Variants in DNM3 observed in about 807,000 individuals in gnomAD.
DNM3 encodes the protein dynamin 3, also known as dynamin-3.
Under a neutral mutation model 101.6 loss-of-function variants are expected in DNM3, and 47 were observed. The observed-to-expected ratio is 0.46, with a 90% CI of 0.37 to 0.59. DNM3 has a LOEUF of 0.59. Among genes scored for constraint, DNM3 ranks in the 20% least tolerant of loss-of-function variants. The pLI is 0.00. For missense variants in DNM3, 849 were observed against 1,085.7 expected (o/e 0.78, Z 3.06); for synonymous variants, 385 against 387.9 (o/e 0.99, Z 0.09).
In DNM3 at chr1:172,131,261, A is replaced by G. The variant is rs763985919; in HGVS notation, c.1632A>G (p.Glu544=). 6.2e-7 allele frequency: 1 copy of G among 1,613,188 alleles called. No individual in the cohort carries two copies. The highest frequency in any genetic ancestry group is 1.1e-5 in the South Asian group (1 of 91,038). The change falls in exon 14 of 21, where the codon GAA becomes GAG. Residue 544 remains glutamate (E), a synonymous_variant. Coordinates refer to ENST00000627582, the MANE Select transcript of DNM3 (RefSeq NM_015569.5). ...GATACTGGTTCGTCCTTACTGCGGAAAGCTTGTCCTGGTATAAAGATGATG... is the reference window on the plus strand; with the variant it reads ...GATACTGGTTCGTCCTTACTGCGGAGAGCTTGTCCTGGTATAAAGATGATG... ...SKGYWFVLTA[E]SLSWYKDDEE...
At chr1:172,390,433 G>T (rs906284015) in intron 20 of DNM3, among the ~76,000 whole-genome samples, 3 of 152,184 alleles carry the variant, frequency 2.0e-5, no homozygotes, top group Admixed American at 1.3e-4. Context: ...TGACCCCAGG[G>T]TTTTTCAGCC....
At chr1:172,134,068 T>C (rs2057088154) in intron 14 of DNM3, among the ~76,000 whole-genome samples, 1 of 152,114 alleles carries the variant, frequency 6.6e-6, no homozygotes, top group Non-Finnish European at 1.5e-5. Flanking sequence ...GGAGCGGGGA[T>C]GGCTAGCATG....
intron 1 of DNM3, among the ~76,000 whole-genome samples, chr1:171,856,853 A>G (rs742508): frequency 6.6e-6 from 1 of 152,134 alleles, no homozygotes; most frequent in Non-Finnish European, 1.5e-5. Context: ...GATGCCATTT[A>G]TTTCTTTCTC....
intron 20 of DNM3, among the ~76,000 whole-genome samples, chr1:172,406,203 G>A (rs1381722070): frequency 3.3e-5 from 5 of 151,956 alleles, no homozygotes; most frequent in African/African-American, 1.2e-4. Context: ...GGGGAAGGCA[G>A]GTCAGGGAAG....
chr1:172,391,495 G>T (rs1475294035), intron 20 of DNM3, among the ~76,000 whole-genome samples: 1 of 152,108 alleles, frequency 6.6e-6, no homozygotes, highest in Non-Finnish European at 1.5e-5. Context: ...CAGAAATGGG[G>T]TTTAAGATTT....
chr1:172,134,016 C>T (rs1285353693), intron 14 of DNM3, among the ~76,000 whole-genome samples: 1 of 152,092 alleles, frequency 6.6e-6, no homozygotes, highest in Non-Finnish European at 1.5e-5. Flanking sequence ...GCCCTGGCTG[C>T]TGGATTGTGC....
At chr1:172,357,073 T>G (rs2067490386) in intron 17 of DNM3, among the ~76,000 whole-genome samples, 1 of 152,154 alleles carries the variant, frequency 6.6e-6, no homozygotes, top group South Asian at 2.1e-4. Flanking sequence ...AATAAACAGT[T>G]GAATGAGTAA....
At chr1:172,076,958 G>A (rs1052526123) in intron 11 of DNM3, among the ~76,000 whole-genome samples, 2 of 152,032 alleles carry the variant, frequency 1.3e-5, no homozygotes, top group African/African-American at 4.8e-5. Context: ...GCTTTTTTTG[G>A]TTGGTAGGCT....
Position 172,033,176 on chromosome 1 carries a change from G to T in DNM3, c.760G>T (p.Ala254Ser). ...GAAGGACATAAAGGCAGCCATGCTG[G>T]CAGAGAGGAAGTTTTTCCTTTCCCA... ...GKKDIKAAML[A>S]ERKFFLSHPA... The change falls in exon 6 of 21, where the codon GCA becomes TCA. Residue 254 changes from alanine (A) to serine (S), a missense_variant. Ala to Ser is a moderately conservative substitution (Grantham distance 99). This residue lies in a region of DNM3 where 388 missense variants were observed against 483.0 expected (regional missense o/e 0.80). Coordinates refer to ENST00000627582, the MANE Select transcript of DNM3 (RefSeq NM_015569.5). The T allele has an allele frequency of 6.2e-7, 1 of 1,611,120 alleles. No individual in the cohort carries two copies. Among genetic ancestry groups the T allele is most frequent in the South Asian group, 1.1e-5 (1 of 90,344 alleles).
At chr1:171,954,392 A>G (rs552829893) in intron 2 of DNM3, among the ~76,000 whole-genome samples, 39 of 152,294 alleles carry the variant, frequency 2.6e-4, no homozygotes, top group Middle Eastern at 3.4e-3. Context: ...TCCTGGGGGA[A>G]ATAATGCTTG....
In DNM3 at chr1:172,027,500, G is replaced by C. The variant is rs772104673; in HGVS notation, c.590-4902G>C. On this transcript the variant is annotated intron_variant, in intron 4 of 20. Coordinates refer to ENST00000627582, the MANE Select transcript of DNM3 (RefSeq NM_015569.5). ...GGAGGCTCAGGCAGGAGAATCGCTG[G>C]AACCCGGGAGGCAGAGGTGGCAGTG... is the stretch of plus-strand genomic sequence containing the variant. Among the ~76,000 whole-genome samples the C allele has an allele frequency of 9.2e-5, 14 of 152,132 alleles. No homozygotes were observed. In the South Asian group the frequency reaches 1.0e-3, roughly 11 times the overall value.
chr1:171,885,081 C>G (rs998667094), intron 1 of DNM3, among the ~76,000 whole-genome samples: 3 of 152,070 alleles, frequency 2.0e-5, no homozygotes, highest in Admixed American at 1.3e-4. Flanking sequence ...CGTTTAGCAT[C>G]CCCTCAAACT....
At chr1:172,189,595 T>C (rs1041091093) in intron 14 of DNM3, among the ~76,000 whole-genome samples, 1 of 152,084 alleles carries the variant, frequency 6.6e-6, no homozygotes, top group African/African-American at 2.4e-5. Context: ...TCTAAGTATT[T>C]ATGTATTTAT....
intron 17 of DNM3, among the ~76,000 whole-genome samples, chr1:172,354,112 T>A (rs199734129): frequency 0.23 from 21,431 of 95,078 alleles, 2,652 homozygotes; most frequent in African/African-American, 0.26. Flanking sequence ...TGTGTGTGTG[T>A]GAGAGAGAGA....
intron 2 of DNM3, among the ~76,000 whole-genome samples, chr1:171,974,934 T>G (rs2044265590): frequency 6.6e-6 from 1 of 151,934 alleles, no homozygotes; most frequent in Admixed American, 6.6e-5. Context: ...ACTGCACCCT[T>G]GAACTCCTGG....
intron 17 of DNM3, among the ~76,000 whole-genome samples, chr1:172,359,061 C>T (rs374681640): frequency 2.7e-5 from 4 of 150,942 alleles, no homozygotes; most frequent in African/African-American, 2.4e-5. Flanking sequence ...GTGGCTCAGA[C>T]GGGGCCTGGG....
Position 171,987,799 on chromosome 1 carries a change from C to A in DNM3, c.379C>A (p.Pro127Thr), listed in dbSNP as rs767017496. ...ACCCATTAATTTACGAGTCTATTCC[C>A]CACACGGTAAGTAAAATAATAAAAT... ...SIPINLRVYS[P>T]HVLNLTLIDL... The change falls in exon 3 of 21, where the codon CCA (proline) becomes ACA (threonine). Residue 127 changes from proline to threonine, a missense_variant. Physicochemically the swap from Pro to Thr is conservative, Grantham distance 38 (BLOSUM62 -1). This residue lies in a region of DNM3 where 388 missense variants were observed against 483.0 expected (regional missense o/e 0.80). Transcript: ENST00000627582. 11 of 1,549,296 alleles carry A rather than the reference C, an allele frequency of 7.1e-6. No individual in the cohort carries two copies. In the Admixed American group the frequency reaches 1.8e-4, roughly 25 times the overall value.
At chr1:172,286,068 TTA>T (rs143628364) in intron 15 of DNM3, among the ~76,000 whole-genome samples, 67 of 147,452 alleles carry the variant, frequency 4.5e-4, no homozygotes, top group Admixed American at 2.8e-3. Context: ...AGTGAGTTAT[TTA>T]TATATATATA....
intron 15 of DNM3, among the ~76,000 whole-genome samples, chr1:172,257,120 TG>T (rs2062435979): frequency 6.6e-6 from 1 of 152,104 alleles, no homozygotes; most frequent in Admixed American, 6.6e-5. Context: ...GGATTATGCT[TG>T]TTAATTGTAT....
Sources: allele counts gnomAD v4.1 joint callset (sites outside exome capture counted in the v4.1 genomes callset), GRCh38; gene constraint gnomAD v4.1.1; regional missense constraint gnomAD v4.1.1; transcripts MANE v1.5; gene names NCBI Gene and HGNC (gene_info 2026-07-23, HGNC 2026-07-21).